The following PPP4R3B variants were observed in gnomAD, a reference collection of about 807,000 sequenced individuals.
The protein encoded by PPP4R3B is protein phosphatase 4 regulatory subunit 3B, also known as serine/threonine-protein phosphatase 4 regulatory subunit 3B.
In PPP4R3B, 52 loss-of-function variants were observed where a neutral mutation model predicts 95.4. The ratio of observed to expected loss-of-function variants is 0.54; its 90% CI spans 0.44 to 0.69. PPP4R3B has a LOEUF of 0.69. Among genes scored for constraint, PPP4R3B ranks in the 30% least tolerant of loss-of-function variants. The pLI, the probability that PPP4R3B is intolerant of heterozygous loss-of-function variation, is 0.00. For synonymous variants in PPP4R3B, 407 were observed against 343.9 expected (o/e 1.18, Z -2.03); for missense variants, 1,003 against 1,005.9 (o/e 1.00, Z 0.04).
intron 4 of PPP4R3B, among the ~76,000 whole-genome samples, chr2:55,593,900 T>C (rs900209456): frequency 6.6e-6 from 1 of 152,176 alleles, no homozygotes. Context: ...AGCAAAGTCA[T>C]GGAACCCACC....
intron 16 of PPP4R3B, among the ~76,000 whole-genome samples, chr2:55,551,266 A>G (rs960912130): frequency 2.6e-5 from 4 of 152,132 alleles, no homozygotes; most frequent in African/African-American, 9.7e-5. Flanking sequence ...AGGGACGAGC[A>G]TCTCTTGAAC....
At chr2:55,591,762 T>C in intron 4 of PPP4R3B, 1 of 645,584 alleles carries the variant, frequency 1.5e-6, no homozygotes, top group Non-Finnish European at 1.9e-6. Flanking sequence ...TATGTATTCC[T>C]AGTATTTTTT....
In PPP4R3B at chr2:55,549,787, G is replaced by A; in HGVS notation, c.*124C>T. The A allele has an allele frequency of 1.3e-6, 1 of 751,692 alleles. No individual in the cohort carries two copies. Among genetic ancestry groups the A allele is most frequent in the Admixed American group, 2.3e-5 (1 of 42,586 alleles). 46.6% of individuals were successfully genotyped at this position (751,692 alleles called of 1,614,324 possible). A position where few individuals can be genotyped will look rare whatever the true frequency, so the allele number is the denominator to read the frequency against. ...ACTAAACTCTCTTAGCTGATATACTGTCTTTTGCTACTCCTTGTATATTTT... is the reference window on the plus strand; with the variant it reads ...ACTAAACTCTCTTAGCTGATATACTATCTTTTGCTACTCCTTGTATATTTT... On this transcript the variant is annotated 3_prime_UTR_variant, in exon 17 of 17. Transcript: ENST00000616407.
chr2:55,575,741 C>G (rs1370830698), intron 11 of PPP4R3B, among the ~76,000 whole-genome samples: 1 of 151,990 alleles, frequency 6.6e-6, no homozygotes, highest in African/African-American at 2.4e-5. Flanking sequence ...CTTGGCTAGA[C>G]AAGGAAATAT....
rs200299792 is a variant in PPP4R3B, at chr2:55,598,759, T to C, written c.578A>G (p.His193Arg). 1.2e-6 allele frequency: 2 copies of C among 1,614,234 alleles called. No homozygotes were observed. Among genetic ancestry groups the C allele is most frequent in the Non-Finnish European group, 1.7e-6 (2 of 1,180,034 alleles). Residue 193 changes from histidine (H) to arginine (R), a missense_variant, in exon 4 of 17, where the codon CAT becomes CGT. Transcript: ENST00000616407. ...GATTCCTCTAATAATTTCATACAAA[T>C]GGTGTAAGCCTTCAGTGTTTTCTAG... is the stretch of plus-strand genomic sequence containing the variant. ...ENLENTEGLHHLYEIIRGILF... is the reference protein window; with the variant it reads ...ENLENTEGLHRLYEIIRGILF...
At chr2:55,563,327 A>G (rs1686866214) in intron 15 of PPP4R3B, among the ~76,000 whole-genome samples, 1 of 152,274 alleles carries the variant, frequency 6.6e-6, no homozygotes. Context: ...TCAAAATCAC[A>G]AACTTACATA....
At chr2:55,606,822 C>CAA (rs61086185) in intron 2 of PPP4R3B, among the ~76,000 whole-genome samples, 17 of 106,968 alleles carry the variant, frequency 1.6e-4, no homozygotes, top group South Asian at 2.9e-4. Flanking sequence ...GACTTTGCCT[C>CAA]AAAAAAAAAA....
chr2:55,605,452 TTTAA>T (rs1219657719), intron 2 of PPP4R3B, among the ~76,000 whole-genome samples: 2 of 152,224 alleles, frequency 1.3e-5, no homozygotes, highest in Non-Finnish European at 2.9e-5. Context: ...AAAAATATTA[TTTAA>T]TTAATCCAGG....
chr2:55,577,264 GA>G, intron 11 of PPP4R3B, 50 bp downstream of exon 11: 3 of 1,511,108 alleles, frequency 2.0e-6, no homozygotes, highest in East Asian at 2.6e-5. Context: ...ACTTAGAGTA[GA>G]AAAAAGTTTA....
At chr2:55,586,002 T>C (rs1559003329) in intron 6 of PPP4R3B, among the ~76,000 whole-genome samples, 1 of 151,986 alleles carries the variant, frequency 6.6e-6, no homozygotes, top group Non-Finnish European at 1.5e-5. Flanking sequence ...AAACACCTTC[T>C]ATAAAGCAAG....
Position 55,586,712 on chromosome 2 carries a change from C to A in PPP4R3B, c.1022G>T (p.Cys341Phe), listed in dbSNP as rs1690195563. The A allele has an allele frequency of 6.3e-7, 1 of 1,598,476 alleles. No individual in the cohort carries two copies. The highest frequency in any genetic ancestry group is 2.2e-5 in the East Asian group (1 of 44,482). ...AGGTTGTAATGTCTGAGAAAATGCA[C>A]AAAACTCCTTGAAAAAATTAACCTG... ...RELVNFFKEF[C>F]AFSQTLQPQN... is the part of the protein sequence containing the mutation. The change falls in exon 6 of 17, where the codon TGT becomes TTT. Residue 341 changes from cysteine to phenylalanine, a missense_variant. Physicochemically the swap from Cys to Phe is radical, Grantham distance 205. Coordinates refer to ENST00000616407, the MANE Select transcript of PPP4R3B (RefSeq NM_001122964.3).
intron 2 of PPP4R3B, among the ~76,000 whole-genome samples, chr2:55,605,466 G>T (rs151063375): frequency 2.8e-3 from 426 of 152,148 alleles, no homozygotes; most frequent in African/African-American, 9.8e-3. Context: ...ATTAATCCAG[G>T]CCTCAGATTA....
intron 4 of PPP4R3B, 118 bp downstream of exon 4, chr2:55,598,298 A>C: frequency 2.0e-6 from 2 of 1,002,102 alleles, no homozygotes; most frequent in Non-Finnish European, 1.4e-6. Context: ...AATGTACTTA[A>C]TAGTACATTT....
intron 2 of PPP4R3B, among the ~76,000 whole-genome samples, chr2:55,606,248 A>G (rs1246879692): frequency 6.6e-6 from 1 of 152,196 alleles, no homozygotes; most frequent in Non-Finnish European, 1.5e-5. Context: ...CTAAAATAGA[A>G]AAGTCTTAAA....
chr2:55,579,410 T>TC (rs1349313397), intron 9 of PPP4R3B, among the ~76,000 whole-genome samples: 1 of 151,294 alleles, frequency 6.6e-6, no homozygotes, highest in East Asian at 1.9e-4. Context: ...ACATTTTCTT[T>TC]TTTTTCTGCC....
At chr2:55,580,505 G>A (rs1689310143) in intron 8 of PPP4R3B, among the ~76,000 whole-genome samples, 1 of 152,144 alleles carries the variant, frequency 6.6e-6, no homozygotes, top group Non-Finnish European at 1.5e-5. Flanking sequence ...AACCAATTAA[G>A]CCCATGTGAT....
chr2:55,587,221 A>T (rs1208261089), intron 5 of PPP4R3B, among the ~76,000 whole-genome samples: 7 of 152,228 alleles, frequency 4.6e-5, no homozygotes, highest in Admixed American at 4.6e-4. Context: ...TGCAAGATAT[A>T]CTTTTAATGG....
At chr2:55,561,586 A>C (rs1297946465) in intron 15 of PPP4R3B, among the ~76,000 whole-genome samples, 4 of 152,374 alleles carry the variant, frequency 2.6e-5, no homozygotes, top group Admixed American at 1.3e-4. Context: ...GGGCGAAGCC[A>C]GCCATGGCCC....
chr2:55,614,054 T>C (rs889144884), intron 2 of PPP4R3B: 6 of 152,150 alleles, frequency 3.9e-5, no homozygotes, highest in African/African-American at 1.4e-4. Context: ...CACACAATAT[T>C]TTCTAAACAG....
Sources: allele counts gnomAD v4.1 joint callset (sites outside exome capture counted in the v4.1 genomes callset), GRCh38; gene constraint gnomAD v4.1.1; transcripts MANE v1.5; gene names NCBI Gene and HGNC (gene_info 2026-07-23, HGNC 2026-07-21).